The following CENPF variants were observed in gnomAD, a reference collection of about 807,000 sequenced individuals.
CENPF encodes the protein AH antigen.
CENPF carries 214 observed loss-of-function variants against 307.3 expected under a neutral mutation model. The ratio of observed to expected loss-of-function variants is 0.70; its 90% confidence interval spans 0.62 to 0.78. CENPF has a LOEUF of 0.78. CENPF is among the 30% of genes least tolerant of loss of function. CENPF has a pLI of 0.00. For synonymous variants in CENPF, 1,259 were observed against 1,270.6 expected (o/e 0.99, Z 0.19); for missense variants, 3,401 against 3,483.9 (o/e 0.98, Z 0.60).
At chr1:214,662,407 G>C (rs1363408190) in intron 19 of CENPF, among the ~76,000 whole-genome samples, 2 of 152,290 alleles carry the variant, frequency 1.3e-5, no homozygotes, top group East Asian at 3.9e-4. Flanking sequence ...CCTGGGATTT[G>C]ATCTGTTGGC....
At chr1:214,603,762 GGGTGCCTAT>G (rs1477154106) in intron 1 of CENPF, 1 of 152,006 alleles carries the variant, frequency 6.6e-6, no homozygotes, top group African/African-American at 2.4e-5. Flanking sequence ...TGGCGACGTG[GGGTGCCTAT>G]GGTTAGTTAC....
At chr1:214,619,368 G>A in intron 5 of CENPF, 148 bp downstream of exon 5, 1 of 487,256 alleles carries the variant, frequency 2.1e-6, no homozygotes, top group Non-Finnish European at 3.7e-6. Context: ...GCTCAGTGGA[G>A]GTGATTATTT....
Position 214,623,975 on chromosome 1 carries a change from G to A in CENPF, c.1068+1694G>A, listed in dbSNP as rs183464261. ...CATACTTCTATTATTTGCTTTCTTG[G>A]GGCAGGTTCTTTCATTTGTTTACTT... On this transcript the variant is annotated intron_variant, in intron 7 of 19. Transcript: ENST00000366955. Among the ~76,000 whole-genome samples the A allele has an allele frequency of 3.5e-3, 525 of 152,064 alleles. 2 individuals carry two copies. The highest frequency in any genetic ancestry group is 5.2e-3 in the Non-Finnish European group (355 of 67,964).
At chr1:214,627,866 A>G (rs1657698614) in intron 7 of CENPF, among the ~76,000 whole-genome samples, 5 of 152,228 alleles carry the variant, frequency 3.3e-5, no homozygotes, top group Admixed American at 3.3e-4. Flanking sequence ...CTAACATTAG[A>G]CTTATCTATT....
At chr1:214,631,356 T>C (rs539495863) in intron 9 of CENPF, among the ~76,000 whole-genome samples, 2 of 152,350 alleles carry the variant, frequency 1.3e-5, no homozygotes, top group East Asian at 1.9e-4. Context: ...TCTTGTTCCC[T>C]GTGGCACTGT....
intron 1 of CENPF, 95 bp from the exon 2 acceptor site, chr1:214,613,619 C>G: frequency 1.1e-6 from 1 of 876,150 alleles, no homozygotes; most frequent in African/African-American, 1.7e-5. Flanking sequence ...GGTCTTGAAA[C>G]TTGATTTTTA....
chr1:214,646,676 T>TA lies in CENPF; in HGVS notation c.7110dup (p.Ala2371SerfsTer30). 1.9e-6 allele frequency: 3 copies of TA among 1,613,728 alleles called. No individual in the cohort carries two copies. The highest frequency in any genetic ancestry group is 2.5e-6 in the Non-Finnish European group (3 of 1,179,938). On this transcript the variant is annotated frameshift_variant, in exon 13 of 20. Transcript: ENST00000366955. LOFTEE classifies it high-confidence loss of function. ...AATTCCAAAGGAGAGGTAGAGACCCTAAAAGCAAAAATAGAAGGGATGACC... is the reference window on the plus strand; with the variant it reads ...AATTCCAAAGGAGAGGTAGAGACCCTAAAAAGCAAAAATAGAAGGGATGACC...
chr1:214,658,701 T>TGTGAA (rs2102421512), intron 18 of CENPF, 149 bp from the exon 19 acceptor site: 1 of 628,924 alleles, frequency 1.6e-6, no homozygotes, highest in East Asian at 2.8e-5. Context: ...CCAGGGCAAC[T>TGTGAA]GTGAAGTGTA....
Position 214,660,475 on chromosome 1 carries a change from C to T in CENPF, c.9141+1447C>T, listed in dbSNP as rs112761154. On this transcript the variant is annotated intron_variant, in intron 19 of 19. Coordinates refer to ENST00000366955, the MANE Select transcript of CENPF (RefSeq NM_016343.4). ...CTGAATATACTGACTTTCCAATGAA[C>T]ATGAGAACAGCTTCTCTTTTAAGCA... 4.6e-5 allele frequency among the ~76,000 whole-genome samples: 7 copies of T among 152,326 alleles called. 1 individual carries two copies. The highest frequency in any genetic ancestry group is 1.7e-4 in the African/African-American group (7 of 41,564).
In CENPF at chr1:214,646,784, A is replaced by G; in HGVS notation, c.7214A>G (p.Gln2405Arg). The G allele has an allele frequency of 3.1e-6, 5 of 1,611,628 alleles. No homozygotes were observed. Among genetic ancestry groups the G allele is most frequent in the Non-Finnish European group, 4.2e-6 (5 of 1,179,000 alleles). Residue 2405 changes from glutamine to arginine, a missense_variant, in exon 13 of 20, where the codon CAA (glutamine) becomes CGA (arginine). Coordinates refer to ENST00000366955, the MANE Select transcript of CENPF (RefSeq NM_016343.4). ...ENLTNELQKEQERISELEIIN... is the reference protein window; with the variant it reads ...ENLTNELQKERERISELEIIN... ...CTGACAAATGAATTACAAAAAGAGC[A>G]AGAGCGAATATCTGAATTAGAAATA...
intron 10 of CENPF, among the ~76,000 whole-genome samples, chr1:214,633,937 G>A (rs759768733): frequency 1.8e-4 from 28 of 152,172 alleles, no homozygotes; most frequent in Non-Finnish European, 3.8e-4. Flanking sequence ...ACTCTCCCGC[G>A]ACTCCACTGG....
chr1:214,652,068 A>ATTTTTTTTT (rs35011701), intron 15 of CENPF, among the ~76,000 whole-genome samples, 182 bp downstream of exon 15: 31 of 127,090 alleles, frequency 2.4e-4, no homozygotes, highest in African/African-American at 9.3e-4. Context: ...TTATCAGTTG[A>ATTTTTTTTT]TTTTTTTTTT....
chr1:214,649,438 A>T (rs1434212982), intron 14 of CENPF, among the ~76,000 whole-genome samples: 2 of 152,144 alleles, frequency 1.3e-5, no homozygotes, highest in African/African-American at 4.8e-5. Flanking sequence ...TACCTGATTA[A>T]ATTATAAACA....
intron 2 of CENPF, among the ~76,000 whole-genome samples, chr1:214,614,366 C>G (rs1657279688): frequency 1.3e-5 from 2 of 152,020 alleles, no homozygotes; most frequent in Non-Finnish European, 2.9e-5. Context: ...CCTTGGTATT[C>G]CTCAACCTTT....
rs1658065839 is a variant in CENPF, at chr1:214,640,080, T to C, written c.1742T>C (p.Ile581Thr). The change falls in exon 12 of 20, where the codon ATT (isoleucine) becomes ACT (threonine). Residue 581 changes from isoleucine (I) to threonine (T), a missense_variant. Ile to Thr is a moderately conservative substitution (Grantham distance 89). Transcript: ENST00000366955. The part of the protein sequence containing the change: ...QDLLKKREHH[I>T]EQLNDKLSKT... ...CTTTTGAAGAAAAGAGAACATCACA[T>C]TGAACAACTTAATGATAAGTTAAGC... 2.5e-6 allele frequency: 4 copies of C among 1,598,114 alleles called. No homozygotes were observed. The East Asian group carries it at 8.9e-5, about 36-fold the overall frequency.
At chr1:214,621,806 T>C (rs1657513040) in intron 6 of CENPF, among the ~76,000 whole-genome samples, 2 of 152,228 alleles carry the variant, frequency 1.3e-5, no homozygotes, top group South Asian at 2.1e-4. Flanking sequence ...AATAAGAAGA[T>C]AGCGTTCCTG....
rs762984730 is a variant in CENPF at position 214,622,177 on chromosome 1, C to A, written c.964C>A (p.Leu322Met). The A allele has an allele frequency of 8.7e-6, 14 of 1,613,846 alleles. No homozygotes were observed. In the East Asian group the frequency reaches 3.1e-4, roughly 36 times the overall value. The change falls in exon 7 of 20, where the codon CTG (leucine) becomes ATG (methionine). Residue 322 changes from leucine to methionine, a missense_variant. By Grantham distance (15) the Leu-to-Met change is conservative (BLOSUM62 2). Transcript: ENST00000366955. ...TAAGTTTCAAGAACTCCAACTCCAA[C>A]TGGAGAAAGCAAAAGTGGAATTAAT... ...VNKFQELQLQ[L>M]EKAKVELIEK...
In CENPF at chr1:214,639,953, G is replaced by A; in HGVS notation, c.1615G>A (p.Asp539Asn). 1.3e-6 allele frequency: 2 copies of A among 1,557,028 alleles called. 1 individual carries two copies. Among genetic ancestry groups the A allele is most frequent in the South Asian group, 2.5e-5 (2 of 81,194 alleles). The change falls in exon 12 of 20, where the codon GAT (aspartate) becomes AAT (asparagine). Residue 539 changes from aspartate to asparagine, a missense_variant. Coordinates refer to ENST00000366955, the MANE Select transcript of CENPF (RefSeq NM_016343.4). ...KNTSQETMLRDLQEKINQQEN... is the reference protein window; with the variant it reads ...KNTSQETMLRNLQEKINQQEN... ...TACCTCTCAGGAAACCATGTTAAGAGATCTTCAAGAAAAAATAAATCAGCA... is the reference window on the plus strand; with the variant it reads ...TACCTCTCAGGAAACCATGTTAAGAAATCTTCAAGAAAAAATAAATCAGCA...
At chr1:214,620,119 A>G (rs771974860) in intron 5 of CENPF, among the ~76,000 whole-genome samples, 9 of 152,202 alleles carry the variant, frequency 5.9e-5, no homozygotes, top group Non-Finnish European at 1.2e-4. Flanking sequence ...ATGGAGGCAG[A>G]GAGAAGCATA....
Sources: gnomAD v4.1 joint callset for allele counts (sites outside exome capture counted in the v4.1 genomes callset) on GRCh38, gnomAD v4.1.1 for gene constraint, MANE v1.5 for transcripts, NCBI Gene and HGNC (gene_info 2026-07-23, HGNC 2026-07-21) for gene names.